RBFOX1: variants seen among roughly 807,000 people sequenced by gnomAD.
RBFOX1 encodes RNA binding protein fox-1 homolog 1.
Under a neutral mutation model 57.7 loss-of-function variants are expected in RBFOX1, and 8 were observed. The ratio of observed to expected loss-of-function variants is 0.14; its 90% CI spans 0.08 to 0.25. The LOEUF (loss-of-function observed/expected upper bound fraction) is 0.25. RBFOX1 is among the 10% of genes least tolerant of loss of function. The pLI is 1.00. For synonymous variants in RBFOX1, 326 were observed against 222.4 expected (o/e 1.47, Z -4.15); for missense variants, 611 against 548.5 (o/e 1.11, Z -1.14).
chr16:6,080,333 C>G (rs1448877764), intron 1 of RBFOX1, among the ~76,000 whole-genome samples: 3 of 152,142 alleles, frequency 2.0e-5, no homozygotes, highest in African/African-American at 7.2e-5. Context: ...CTGGGTATCT[C>G]TGACCTTCAG....
At chr16:7,662,803 G>A (rs1324295577) in intron 12 of RBFOX1, among the ~76,000 whole-genome samples, 1 of 152,312 alleles carries the variant, frequency 6.6e-6, no homozygotes, top group Non-Finnish European at 1.5e-5. Context: ...ATTATCTTAC[G>A]AAACCCTTTC....
intron 1 of RBFOX1, among the ~76,000 whole-genome samples, chr16:6,295,749 AG>A (rs2078027621): frequency 6.6e-6 from 1 of 152,330 alleles, no homozygotes; most frequent in Admixed American, 6.5e-5. Flanking sequence ...AGGAGGGGAC[AG>A]GGGCAATGGC....
chr16:6,287,840 A>G (rs113658489), intron 1 of RBFOX1, among the ~76,000 whole-genome samples: 4 of 152,304 alleles, frequency 2.6e-5, no homozygotes, highest in African/African-American at 9.6e-5. Flanking sequence ...TTTCTAATCT[A>G]GAAAGATCTT....
At chr16:7,307,161 T>C (rs1023973867) in intron 4 of RBFOX1, among the ~76,000 whole-genome samples, 1 of 152,312 alleles carries the variant, frequency 6.6e-6, no homozygotes, top group Non-Finnish European at 1.5e-5. Flanking sequence ...TTTTGGAGCA[T>C]TTATCATTTT....
intron 1 of RBFOX1, among the ~76,000 whole-genome samples, chr16:5,280,422 T>C (rs61324025): frequency 0.02 from 3,092 of 152,314 alleles, 46 homozygotes; most frequent in Middle Eastern, 0.065. Context: ...CTTGTCTTGA[T>C]TGGATATCAG....
At chr16:7,404,028 C>CTTTTATTTCCTTTTATTTTA (rs1555853056) in intron 4 of RBFOX1, among the ~76,000 whole-genome samples, 1 of 129,964 alleles carries the variant, frequency 7.7e-6, no homozygotes, top group Non-Finnish European at 1.6e-5. Flanking sequence ...ATTTCATTTC[C>CTTTTATTTCCTTTTATTTTA]TTTTATTTTA....
intron 4 of RBFOX1, among the ~76,000 whole-genome samples, chr16:6,011,365 TAC>T (rs1318175437): frequency 2.0e-5 from 3 of 152,190 alleles, no homozygotes; most frequent in Non-Finnish European, 4.4e-5. Flanking sequence ...TTAGAAAATT[TAC>T]AGAGTGTTTT....
intron 14 of RBFOX1, among the ~76,000 whole-genome samples, chr16:7,701,263 T>C (rs866396629): frequency 6.8e-6 from 1 of 147,310 alleles, no homozygotes; most frequent in African/African-American, 2.7e-5. Flanking sequence ...AGTCATTTTG[T>C]AGGTCAGGGG....
At chr16:6,176,477 G>C (rs953391395) in intron 1 of RBFOX1, among the ~76,000 whole-genome samples, 1 of 151,496 alleles carries the variant, frequency 6.6e-6, no homozygotes, top group African/African-American at 2.4e-5. Context: ...GAGGAATTTA[G>C]TTAAAGTTGC....
chr16:7,341,157 C>T (rs2096883215), intron 4 of RBFOX1, among the ~76,000 whole-genome samples: 1 of 152,128 alleles, frequency 6.6e-6, no homozygotes, highest in South Asian at 2.1e-4. Context: ...CTCTCACACA[C>T]ACATCCCACC....
chr16:7,467,634 A>C (rs2150790350), intron 4 of RBFOX1, among the ~76,000 whole-genome samples: 1 of 152,334 alleles, frequency 6.6e-6, no homozygotes, highest in South Asian at 2.1e-4. Flanking sequence ...TATGATAATA[A>C]GAGTGACCTT....
chr16:5,977,901 C>G lies in RBFOX1; in HGVS notation c.351+110566C>G, dbSNP rs990363818. 9.2e-5 allele frequency among the ~76,000 whole-genome samples: 14 copies of G among 151,980 alleles called. No homozygotes were observed. The East Asian group carries it at 2.7e-3, about 30-fold the overall frequency. On this transcript the variant is annotated intron_variant, in intron 4 of 19. Coordinates refer to the RBFOX1 transcript ENST00000641259. ...TCACAGGCTTAGACAGTTTTTTTGA[C>G]TGTTCCTTTATTCCCTGCTAAAATC...
At chr16:6,128,967 C>T (rs906708558) in intron 1 of RBFOX1, among the ~76,000 whole-genome samples, 1 of 152,184 alleles carries the variant, frequency 6.6e-6, no homozygotes, top group Non-Finnish European at 1.5e-5. Context: ...ACCCACCTGA[C>T]AAAGGATAAA....
intron 4 of RBFOX1, among the ~76,000 whole-genome samples, chr16:7,215,611 C>T (rs1048133755): frequency 1.3e-5 from 2 of 152,124 alleles, no homozygotes; most frequent in African/African-American, 4.8e-5. Flanking sequence ...TAAATTTACA[C>T]CATCTTTATA....
chr16:6,806,990 C>A (rs970378042), intron 3 of RBFOX1, among the ~76,000 whole-genome samples: 2 of 151,286 alleles, frequency 1.3e-5, no homozygotes, highest in African/African-American at 2.4e-5. Flanking sequence ...CGTCTCACCA[C>A]GTCCAGCTGA....
Position 5,335,029 on chromosome 16 carries a change from A to G in RBFOX1, c.219+94924A>G, listed in dbSNP as rs535145700. Among the ~76,000 whole-genome samples the G allele has an allele frequency of 9.8e-5, 15 of 152,296 alleles. 1 individual carries two copies. In the South Asian group the frequency reaches 2.9e-3, roughly 30 times the overall value. ...ATGCCCAATTTCAATTCTGATAAAC[A>G]TCACCAAAGTGATTCCAAAAAAAGT... On this transcript the variant is annotated intron_variant, in intron 1 of 2. Coordinates refer to the RBFOX1 transcript ENST00000585867.
At chr16:6,806,819 T>TAAATATATAA (rs2086896761) in intron 3 of RBFOX1, among the ~76,000 whole-genome samples, 1 of 77,400 alleles carries the variant, frequency 1.3e-5, no homozygotes, top group Non-Finnish European at 2.7e-5. Context: ...AATATATAAA[T>TAAATATATAA]ATATATATAT....
chr16:6,676,139 C>T (rs545424993), intron 3 of RBFOX1, among the ~76,000 whole-genome samples: 2 of 17,286 alleles, frequency 1.2e-4, no homozygotes, highest in East Asian at 6.9e-4. Context: ...CACACACACA[C>T]GCGCACACAC....
chr16:7,548,468 T>C (rs535181500), intron 5 of RBFOX1, among the ~76,000 whole-genome samples: 16 of 152,346 alleles, frequency 1.1e-4, no homozygotes, highest in African/African-American at 1.7e-4. Context: ...GTATTAGTTG[T>C]TCTTTAAACA....
Sources: gnomAD v4.1 joint callset for allele counts (sites outside exome capture counted in the v4.1 genomes callset) on GRCh38, gnomAD v4.1.1 for gene constraint, MANE v1.5 for transcripts, NCBI Gene and HGNC (gene_info 2026-07-23, HGNC 2026-07-21) for gene names.